Variants in CCSER1 observed in about 807,000 individuals in gnomAD.
CCSER1 encodes coiled-coil serine rich protein 1, also known as serine-rich coiled-coil domain-containing protein 1.
A neutral mutation model predicts 82.0 loss-of-function variants in CCSER1; 41 were observed. The ratio of observed to expected loss-of-function variants is 0.50; its 90% CI spans 0.39 to 0.65. The LOEUF is 0.65. Ranked by LOEUF, CCSER1 falls within the 30% of genes least tolerant of loss-of-function variation. CCSER1 has a pLI of 0.00. For synonymous variants in CCSER1, 414 were observed against 383.9 expected (o/e 1.08, Z -0.92); for missense variants, 1,119 against 1,064.2 (o/e 1.05, Z -0.72).
At chr4:90,608,299 G>T (rs1260595025) in intron 5 of CCSER1, among the ~76,000 whole-genome samples, 1 of 152,130 alleles carries the variant, frequency 6.6e-6, no homozygotes, top group Non-Finnish European at 1.5e-5. Flanking sequence ...ATCATTGACA[G>T]AATTCATTTC....
At chr4:90,533,084 G>GTTTTTTT (rs59215370) in intron 5 of CCSER1, among the ~76,000 whole-genome samples, 10 of 89,018 alleles carry the variant, frequency 1.1e-4, no homozygotes, top group Admixed American at 1.5e-4. Flanking sequence ...ATTTCTGTGG[G>GTTTTTTT]TTTTTTTTTT....
chr4:90,813,988 C>G (rs1161870843), intron 7 of CCSER1, among the ~76,000 whole-genome samples: 1 of 152,198 alleles, frequency 6.6e-6, no homozygotes, highest in Non-Finnish European at 1.5e-5. Flanking sequence ...GGGCTCTACC[C>G]CTGCAGCAGA....
chr4:90,532,835 T>C (rs562857226), intron 5 of CCSER1, among the ~76,000 whole-genome samples: 1 of 152,282 alleles, frequency 6.6e-6, no homozygotes, highest in East Asian at 1.9e-4. Context: ...GTACTTTGAG[T>C]AGCTTCCTCC....
intron 10 of CCSER1, among the ~76,000 whole-genome samples, chr4:91,216,344 G>A (rs1737237261): frequency 6.6e-6 from 1 of 152,168 alleles, no homozygotes; most frequent in Non-Finnish European, 1.5e-5. Flanking sequence ...GTTTGAGACA[G>A]AGTCTCGCTC....
At chr4:90,407,806 G>A (rs542145381) in intron 4 of CCSER1, among the ~76,000 whole-genome samples, 42 of 152,152 alleles carry the variant, frequency 2.8e-4, no homozygotes, top group South Asian at 1.2e-3. Flanking sequence ...TGGGTGTGGC[G>A]CACCCTACAT....
chr4:91,158,272 C>G (rs1430631687), intron 10 of CCSER1, among the ~76,000 whole-genome samples: 1 of 151,884 alleles, frequency 6.6e-6, no homozygotes, highest in Non-Finnish European at 1.5e-5. Flanking sequence ...TTCTTTTTGC[C>G]TAATCATATA....
intron 6 of CCSER1, among the ~76,000 whole-genome samples, chr4:90,674,831 G>A (rs1347727242): frequency 1.3e-5 from 2 of 151,678 alleles, no homozygotes; most frequent in East Asian, 3.9e-4. Context: ...TACAGGAGGG[G>A]AACACATTGT....
intron 5 of CCSER1, among the ~76,000 whole-genome samples, chr4:90,606,584 T>A (rs1784741540): frequency 6.6e-6 from 1 of 152,206 alleles, no homozygotes; most frequent in African/African-American, 2.4e-5. Flanking sequence ...TGTTACTGAT[T>A]TTGATCAACC....
intron 1 of CCSER1, among the ~76,000 whole-genome samples, chr4:90,216,897 T>C (rs1303325751): frequency 6.6e-6 from 1 of 152,222 alleles, no homozygotes; most frequent in African/African-American, 2.4e-5. Flanking sequence ...TAACAATGAT[T>C]GATTCTTCCG....
At position 90,815,743 on chromosome 4, in the gene CCSER1, C is replaced by T. The variant is rs1758926904; in HGVS notation, c.2011-19C>T. The T allele has an allele frequency of 6.5e-7, 1 of 1,536,356 alleles. No homozygotes were observed. Among genetic ancestry groups the T allele is most frequent in the African/African-American group, 1.4e-5 (1 of 72,752 alleles). ...AAAAGGGCTAAGCCTATTATGCTGT[C>T]TCTTTGATGTTTTTATAGGATATAA... On this transcript the variant is annotated intron_variant, in intron 7 of 10. Transcript: ENST00000509176.
chr4:90,197,833 A>G (rs1292315917), intron 1 of CCSER1, among the ~76,000 whole-genome samples: 3 of 152,074 alleles, frequency 2.0e-5, no homozygotes, highest in South Asian at 2.1e-4. Context: ...GGTTACAAAA[A>G]AAAAAATAGA....
chr4:91,448,082 A>T (rs1000785164), intron 10 of CCSER1, among the ~76,000 whole-genome samples: 1 of 152,122 alleles, frequency 6.6e-6, no homozygotes, highest in African/African-American at 2.4e-5. Flanking sequence ...CTACCTGAGG[A>T]TAAAAGCATG....
At chr4:90,574,782 TATTAACCA>T (rs1206558215) in intron 5 of CCSER1, among the ~76,000 whole-genome samples, 1 of 151,986 alleles carries the variant, frequency 6.6e-6, no homozygotes, top group Non-Finnish European at 1.5e-5. Context: ...TTTTGTGTTA[TATTAACCA>T]AATCATTTCC....
chr4:91,499,102 C>A (rs898133802), intron 10 of CCSER1, among the ~76,000 whole-genome samples: 2 of 151,918 alleles, frequency 1.3e-5, no homozygotes. Context: ...AAGGCTGGGT[C>A]AAATGTTATG....
chr4:90,276,297 TCCTTCCTTC>T, intron 1 of CCSER1, among the ~76,000 whole-genome samples: 1 of 134,464 alleles, frequency 7.4e-6, no homozygotes, highest in African/African-American at 3.0e-5. Context: ...CTTCCTTCCT[TCCTTCCTTC>T]CTTTCTTTCT....
chr4:91,514,553 A>G (rs1759997653), intron 10 of CCSER1, among the ~76,000 whole-genome samples: 1 of 152,108 alleles, frequency 6.6e-6, no homozygotes, highest in South Asian at 2.1e-4. Flanking sequence ...TGGGGTTTTT[A>G]ATTCCCCGAT....
chr4:90,912,857 C>T (rs1461364658), intron 8 of CCSER1, among the ~76,000 whole-genome samples: 9 of 152,102 alleles, frequency 5.9e-5, no homozygotes, highest in Non-Finnish European at 1.2e-4. Context: ...GCTTCAGTAG[C>T]TGATTCGATC....
intron 1 of CCSER1, among the ~76,000 whole-genome samples, chr4:90,201,465 C>A (rs1160299876): frequency 1.3e-5 from 2 of 151,216 alleles, no homozygotes; most frequent in Non-Finnish European, 2.9e-5. Context: ...ATTTTGTTAT[C>A]TCATAGCCAT....
At chr4:91,506,530 T>A (rs1026860804) in intron 10 of CCSER1, among the ~76,000 whole-genome samples, 3 of 152,154 alleles carry the variant, frequency 2.0e-5, no homozygotes, top group African/African-American at 7.2e-5. Flanking sequence ...AATCTATAAA[T>A]TAGCCATTTT....
Sources: allele counts gnomAD v4.1 joint callset (sites outside exome capture counted in the v4.1 genomes callset), GRCh38; gene constraint gnomAD v4.1.1; transcripts MANE v1.5; gene names NCBI Gene and HGNC (gene_info 2026-07-23, HGNC 2026-07-21).